CABCOCO1: variants seen among roughly 807,000 people sequenced by gnomAD.
The protein encoded by CABCOCO1 is ciliary associated calcium binding coiled-coil 1.
CABCOCO1 carries 28 observed loss-of-function variants against 35.7 expected under a neutral mutation model. The ratio of observed to expected loss-of-function variants is 0.78; its 90% CI spans 0.58 to 1.07. CABCOCO1 has a LOEUF of 1.07. Ranked by LOEUF, CABCOCO1 falls within the 50% of genes least tolerant of loss-of-function variation. The pLI is 0.00. For missense variants in CABCOCO1, 326 were observed against 309.2 expected, an observed-to-expected ratio of 1.05 and a Z score of -0.41; for synonymous variants, 95 against 100.1, an observed-to-expected ratio of 0.95 and a Z score of 0.30.
chr10:61,682,360 T>A lies in CABCOCO1; in HGVS notation c.334+1048T>A, dbSNP rs184615016. ...TCCTCCTGGCAGAAAAAATTTTTTT[T>A]AAAAATCCCTCCACACTTTTAAACT... On this transcript the variant is annotated intron_variant, in intron 3 of 7. Coordinates refer to ENST00000648843, the MANE Select transcript of CABCOCO1 (RefSeq NM_001366906.2). Among the ~76,000 whole-genome samples, 289 of 152,282 alleles carry A rather than the reference T, an allele frequency of 1.9e-3. 1 individual carries two copies. Among genetic ancestry groups the A allele is most frequent in the African/African-American group, 6.6e-3 (273 of 41,546 alleles).
rs1272323368 is a variant in CABCOCO1, at chr10:61,681,135, T to C, written c.165-8T>C. On this transcript the variant is annotated splice_polypyrimidine_tract_variant and splice_region_variant and intron_variant, in intron 2 of 7. Coordinates refer to ENST00000648843, the MANE Select transcript of CABCOCO1 (RefSeq NM_001366906.2). ...AATTAATATGTGGATTTTTGTTTTA[T>C]TTTACAGAAAACTGAGAATATTTTT... The C allele has an allele frequency of 4.2e-6, 6 of 1,416,560 alleles. No homozygotes were observed. The highest frequency in any genetic ancestry group is 1.4e-5 in the South Asian group (1 of 71,768). 87.7% of individuals were successfully genotyped at this position (1,416,560 alleles called of 1,614,324 possible). A position where few individuals can be genotyped will look rare whatever the true frequency, so the allele number is the denominator to read the frequency against.
chr10:61,732,038 T>C (rs10994901), intron 5 of CABCOCO1, among the ~76,000 whole-genome samples: 61,186 of 151,956 alleles, frequency 0.4, 14,414 homozygotes, highest in Middle Eastern at 0.54. Flanking sequence ...TGAATATATA[T>C]GGTTCTATTG....
chr10:61,677,493 T>A (rs1323043258), intron 2 of CABCOCO1, among the ~76,000 whole-genome samples: 1 of 152,190 alleles, frequency 6.6e-6, no homozygotes, highest in Non-Finnish European at 1.5e-5. Context: ...TAATCCTTTT[T>A]CAGTTATGTT....
rs35028169 is a variant in CABCOCO1 at position 61,709,693 on chromosome 10, T to TA, written c.552+19085dup. On this transcript the variant is annotated intron_variant, in intron 5 of 7. Transcript: ENST00000648843. ...CTGACTTACTTGTCCCCCTCAAATTTAAAAAAAAAAAAATGTATAGAGACA... is the reference window on the plus strand; with the variant it reads ...CTGACTTACTTGTCCCCCTCAAATTTAAAAAAAAAAAAAATGTATAGAGACA... 1.6e-3 allele frequency among the ~76,000 whole-genome samples: 229 copies of TA among 145,804 alleles called. 1 individual carries two copies. Among genetic ancestry groups the TA allele is most frequent in the Middle Eastern group, 7.0e-3 (2 of 286 alleles).
chr10:61,754,827 C>T (rs139350381), intron 5 of CABCOCO1, among the ~76,000 whole-genome samples: 16 of 151,620 alleles, frequency 1.1e-4, no homozygotes, highest in East Asian at 5.9e-4. Flanking sequence ...CTAATGGTCT[C>T]GAAGCTCTAT....
intron 2 of CABCOCO1, among the ~76,000 whole-genome samples, chr10:61,678,543 C>CAT (rs71018990): frequency 0.018 from 2,698 of 150,272 alleles, 51 homozygotes; most frequent in South Asian, 0.05. Flanking sequence ...ACAATGTTCA[C>CAT]ATATATATAT....
rs1341639288 is a variant in CABCOCO1 at position 61,766,757 on chromosome 10, G to T, written c.*744G>T. On this transcript the variant is annotated 3_prime_UTR_variant, in exon 8 of 8. Transcript: ENST00000648843. ...CTTAAATACAAATCAAACTCATAGA[G>T]TTCCCAGAATTAGCCATTATATTGA... 2 of 152,086 alleles carry T rather than the reference G, an allele frequency of 1.3e-5. No individual in the cohort carries two copies. Among genetic ancestry groups the T allele is most frequent in the East Asian group, 3.8e-4 (2 of 5,200 alleles). 9.4% of individuals were successfully genotyped at this position (152,086 alleles called of 1,614,324 possible). A position where few individuals can be genotyped will look rare whatever the true frequency, so the allele number is the denominator to read the frequency against.
At position 61,662,997 on chromosome 10, in the gene CABCOCO1, G is replaced by GGGCCGACCCCGGCAT. The variant is rs1293017502; in HGVS notation, c.38_39insATGGCCGACCCCGGC (p.Ala13_Gly14insTrpProThrProAla). The GGGCCGACCCCGGCAT allele has an allele frequency of 4.5e-6, 1 of 220,956 alleles. No homozygotes were observed. The highest frequency in any genetic ancestry group is 9.2e-6 in the Non-Finnish European group (1 of 109,094). The allele number at this position is 220,956 out of a possible 1,614,324, so 13.7% of individuals were successfully genotyped here. On this transcript the variant is annotated inframe_insertion, in exon 1 of 8. Transcript: ENST00000648843. ...GATGTCGCAGGGGACGACTCCCTGG[G>GGGCCGACCCCGGCAT]GGCCGACCCCGGCGGGAACCACGCC...
chr10:61,727,163 T>C (rs147441485), intron 5 of CABCOCO1, among the ~76,000 whole-genome samples: 20 of 152,298 alleles, frequency 1.3e-4, no homozygotes, highest in Non-Finnish European at 2.6e-4. Context: ...TTATTTCTTA[T>C]ATTTTAGACT....
At chr10:61,708,488 C>A (rs960579789) in intron 5 of CABCOCO1, among the ~76,000 whole-genome samples, 1 of 152,026 alleles carries the variant, frequency 6.6e-6, no homozygotes, top group African/African-American at 2.4e-5. Context: ...TCTTACAGTT[C>A]TAGAGACTGG....
At chr10:61,762,384 C>T (rs1027496187) in intron 7 of CABCOCO1, among the ~76,000 whole-genome samples, 1 of 152,008 alleles carries the variant, frequency 6.6e-6, no homozygotes, top group African/African-American at 2.4e-5. Flanking sequence ...TTCCCATTGG[C>T]CTGAAGCCAT....
intron 5 of CABCOCO1, among the ~76,000 whole-genome samples, chr10:61,727,541 T>C (rs1424084301): frequency 6.6e-6 from 1 of 152,168 alleles, no homozygotes; most frequent in African/African-American, 2.4e-5. Context: ...ACTAGAAATG[T>C]CTGTTTTCAT....
Position 61,746,864 on chromosome 10 carries a change from C to A in CABCOCO1, c.553-13195C>A, listed in dbSNP as rs569445949. 1.1e-4 allele frequency among the ~76,000 whole-genome samples: 17 copies of A among 152,052 alleles called. No homozygotes were observed. The East Asian group carries it at 1.7e-3, about 16-fold the overall frequency. On this transcript the variant is annotated intron_variant, in intron 5 of 7. Coordinates refer to ENST00000648843, the MANE Select transcript of CABCOCO1 (RefSeq NM_001366906.2). Reference sequence around the variant, plus strand: ...TCTTATCTCTGCAAACAAAAAAAAACCATAATTTACAATAAATTAGCACAG... The same window carrying A: ...TCTTATCTCTGCAAACAAAAAAAAAACATAATTTACAATAAATTAGCACAG...
chr10:61,740,719 A>T (rs1471709981), intron 5 of CABCOCO1, among the ~76,000 whole-genome samples: 1 of 152,158 alleles, frequency 6.6e-6, no homozygotes, highest in Admixed American at 6.5e-5. Context: ...ATTTACTGAG[A>T]ACTGAGAAAA....
chr10:61,729,499 C>G (rs1841250782), intron 5 of CABCOCO1, among the ~76,000 whole-genome samples: 1 of 152,086 alleles, frequency 6.6e-6, no homozygotes. Flanking sequence ...AATTGGTACC[C>G]TTGTACACTG....
intron 5 of CABCOCO1, among the ~76,000 whole-genome samples, chr10:61,727,456 A>G (rs1487032447): frequency 6.6e-6 from 1 of 152,170 alleles, no homozygotes; most frequent in Non-Finnish European, 1.5e-5. Flanking sequence ...ATGCATCTGA[A>G]AGAGCTCTAG....
At chr10:61,762,093 T>C (rs1359308594) in intron 7 of CABCOCO1, among the ~76,000 whole-genome samples, 2 of 152,050 alleles carry the variant, frequency 1.3e-5, no homozygotes, top group Non-Finnish European at 2.9e-5. Flanking sequence ...TCAGAACATA[T>C]CTCCTTTTTA....
At chr10:61,698,181 AT>A (rs1358953662) in intron 5 of CABCOCO1, among the ~76,000 whole-genome samples, 1 of 152,194 alleles carries the variant, frequency 6.6e-6, no homozygotes, top group Non-Finnish European at 1.5e-5. Flanking sequence ...AAAACATAAG[AT>A]TAAGTCTGCT....
chr10:61,679,319 AT>A lies in CABCOCO1; in HGVS notation c.165-1823del, dbSNP rs141899403. Among the ~76,000 whole-genome samples, 80 of 104,018 alleles carry A rather than the reference AT, an allele frequency of 7.7e-4. 1 individual carries two copies. The highest frequency in any genetic ancestry group is 0.011 in the Middle Eastern group (2 of 184). The allele number at this position is 104,018 out of a possible 152,430, so 68.2% of individuals were successfully genotyped here. On this transcript the variant is annotated intron_variant, in intron 2 of 7. Transcript: ENST00000648843. ...TATATCTATATCTATATCTATATCT[AT>A]ATCTATATCTATCTATATCTATCTA...
Sources: gnomAD v4.1 joint callset for allele counts (sites outside exome capture counted in the v4.1 genomes callset) on GRCh38, gnomAD v4.1.1 for gene constraint, MANE v1.5 for transcripts, NCBI Gene and HGNC (gene_info 2026-07-23, HGNC 2026-07-21) for gene names.